Variants in DOK6 observed in about 807,000 individuals in gnomAD.
DOK6 encodes downstream of tyrosine kinase 6.
Under a neutral mutation model 44.0 loss-of-function variants are expected in DOK6, and 22 were observed. The ratio of observed to expected loss-of-function variants is 0.50; its 90% CI spans 0.36 to 0.71. DOK6 has a LOEUF of 0.71. Among genes scored for constraint, DOK6 ranks in the 30% least tolerant of loss-of-function variants. DOK6 has a pLI of 0.00. For missense variants in DOK6, 340 were observed against 416.4 expected (o/e 0.82, Z 1.60); for synonymous variants, 166 against 145.5 (o/e 1.14, Z -1.01).
chr18:69,551,616 TA>T (rs1337601436), intron 1 of DOK6, among the ~76,000 whole-genome samples: 2 of 152,094 alleles, frequency 1.3e-5, no homozygotes, highest in Non-Finnish European at 2.9e-5. Flanking sequence ...GATATGTCAA[TA>T]AAAAAGGTAA....
chr18:69,813,639 G>T (rs1218037846), intron 7 of DOK6, among the ~76,000 whole-genome samples: 3 of 152,118 alleles, frequency 2.0e-5, no homozygotes, highest in Non-Finnish European at 4.4e-5. Context: ...CATCTTGGGG[G>T]TTAAGTGATG....
chr18:69,409,142 C>T (rs1330338337), intron 1 of DOK6, among the ~76,000 whole-genome samples: 1 of 152,120 alleles, frequency 6.6e-6, no homozygotes, highest in Non-Finnish European at 1.5e-5. Context: ...GGGGCTTCCC[C>T]CTTCACTGGG....
At chr18:69,654,873 A>G (rs537455945) in intron 3 of DOK6, among the ~76,000 whole-genome samples, 6 of 152,276 alleles carry the variant, frequency 3.9e-5, no homozygotes, top group African/African-American at 1.4e-4. Flanking sequence ...TCTGAGCAAC[A>G]TGGCAAAGCC....
At chr18:69,416,158 G>T in intron 1 of DOK6, among the ~76,000 whole-genome samples, 1 of 59,724 alleles carries the variant, frequency 1.7e-5, no homozygotes, top group Non-Finnish European at 3.9e-5. Flanking sequence ...GGGAGGGAGG[G>T]AAGGAAGGAA....
chr18:69,523,666 T>TTTCTCTTGGAAGTTTTTTTC (rs1981748660), intron 1 of DOK6, among the ~76,000 whole-genome samples: 1 of 152,104 alleles, frequency 6.6e-6, no homozygotes, highest in Non-Finnish European at 1.5e-5. Context: ...CAATTTTTTT[T>TTTCTCTTGGAAGTTTTTTTC]TTCTCTTGGA....
At chr18:69,479,069 T>C (rs2144528750) in intron 1 of DOK6, among the ~76,000 whole-genome samples, 1 of 149,592 alleles carries the variant, frequency 6.7e-6, no homozygotes, top group East Asian at 1.9e-4. Flanking sequence ...CACTGAAGGA[T>C]GCTTGCATTG....
intron 7 of DOK6, 54 bp from the exon 8 acceptor site, chr18:69,841,190 C>T: frequency 6.2e-7 from 1 of 1,607,498 alleles, no homozygotes; most frequent in Non-Finnish European, 8.5e-7. Context: ...GATAGTGTAT[C>T]TTTTGTGCTT....
At chr18:69,583,916 G>A (rs1039436742) in intron 2 of DOK6, among the ~76,000 whole-genome samples, 6 of 152,082 alleles carry the variant, frequency 3.9e-5, no homozygotes, top group African/African-American at 1.4e-4. Context: ...AGACCATCCT[G>A]GCTAACACGG....
In DOK6 at chr18:69,538,633, T is replaced by C. The variant is rs75826865; in HGVS notation, c.67-25854T>C. On this transcript the variant is annotated intron_variant, in intron 1 of 7. Coordinates refer to ENST00000382713, the MANE Select transcript of DOK6 (RefSeq NM_152721.6). Reference sequence around the variant, plus strand: ...CCTAGGCTCAAGCAATCTGAGCATCTAGGCCTCCCAAAGTGCTACTATCAC... The same window carrying C: ...CCTAGGCTCAAGCAATCTGAGCATCCAGGCCTCCCAAAGTGCTACTATCAC... Among the ~76,000 whole-genome samples the C allele has an allele frequency of 2.4e-4, 36 of 148,610 alleles. No individual in the cohort carries two copies. The East Asian group carries it at 5.5e-3, about 23-fold the overall frequency.
At chr18:69,446,463 A>G (rs2122450588) in intron 1 of DOK6, among the ~76,000 whole-genome samples, 1 of 151,908 alleles carries the variant, frequency 6.6e-6, no homozygotes, top group South Asian at 2.1e-4. Context: ...TCATTTTTGG[A>G]CATTTGGGTT....
chr18:69,819,824 G>T (rs1240512961), intron 7 of DOK6, among the ~76,000 whole-genome samples: 5 of 152,108 alleles, frequency 3.3e-5, no homozygotes, highest in African/African-American at 1.2e-4. Context: ...ATTCATTTGT[G>T]TTGTAGCACA....
chr18:69,825,427 CTTTTTTTTTT>C (rs34656265), intron 7 of DOK6, among the ~76,000 whole-genome samples: 2 of 82,958 alleles, frequency 2.4e-5, no homozygotes, highest in African/African-American at 5.0e-5. Flanking sequence ...ATCATAACTT[CTTTTTTTTTT>C]TTTTTTTTTT....
intron 1 of DOK6, among the ~76,000 whole-genome samples, chr18:69,446,551 T>C (rs1021219456): frequency 2.0e-5 from 3 of 152,156 alleles, no homozygotes; most frequent in African/African-American, 4.8e-5. Flanking sequence ...GCATGATTTA[T>C]AATCCTTTGG....
chr18:69,570,154 C>G (rs1983080164), intron 2 of DOK6, among the ~76,000 whole-genome samples: 1 of 151,812 alleles, frequency 6.6e-6, no homozygotes, highest in Non-Finnish European at 1.5e-5. Flanking sequence ...ACAAGTTTAC[C>G]TATATAGCAA....
intron 3 of DOK6, among the ~76,000 whole-genome samples, chr18:69,622,148 T>G (rs1409433985): frequency 6.6e-6 from 1 of 152,206 alleles, no homozygotes; most frequent in Non-Finnish European, 1.5e-5. Flanking sequence ...TCCTGTTTAA[T>G]TTTCCAAAGA....
chr18:69,538,042 T>C (rs1400159737), intron 1 of DOK6, among the ~76,000 whole-genome samples: 1 of 152,166 alleles, frequency 6.6e-6, no homozygotes, highest in Non-Finnish European at 1.5e-5. Context: ...TTTATGATTG[T>C]GACATGCAAA....
At chr18:69,562,296 A>G (rs888645642) in intron 1 of DOK6, among the ~76,000 whole-genome samples, 1 of 152,004 alleles carries the variant, frequency 6.6e-6, no homozygotes, top group Non-Finnish European at 1.5e-5. Context: ...TTTTCAATCA[A>G]AGCTTAAGAT....
chr18:69,513,200 T>C (rs1054586517), intron 1 of DOK6, among the ~76,000 whole-genome samples: 3 of 152,190 alleles, frequency 2.0e-5, no homozygotes, highest in African/African-American at 7.2e-5. Context: ...ATATTGTTAT[T>C]AAAAATAAGA....
rs181218723 is a variant in DOK6, at chr18:69,640,673, C to A, written c.290-37061C>A. On this transcript the variant is annotated intron_variant, in intron 3 of 7. Coordinates refer to ENST00000382713, the MANE Select transcript of DOK6 (RefSeq NM_152721.6). ...ATCCAGATGGGCTTCTGTTTTTGTA[C>A]GATCATGATCCCTTCTTTACTTGTT... 1.9e-3 allele frequency among the ~76,000 whole-genome samples: 290 copies of A among 152,160 alleles called. 2 individuals are homozygous for A. The highest frequency in any genetic ancestry group is 3.4e-3 in the Middle Eastern group (1 of 294).
Sources: allele counts gnomAD v4.1 joint callset (sites outside exome capture counted in the v4.1 genomes callset), GRCh38; gene constraint gnomAD v4.1.1; transcripts MANE v1.5; gene names NCBI Gene and HGNC (gene_info 2026-07-23, HGNC 2026-07-21).